Variants in RALA observed in about 807,000 individuals in gnomAD.
The protein encoded by RALA is ras-related protein Ral-A.
A neutral mutation model predicts 24.0 loss-of-function variants in RALA; 5 were observed. That is an observed-to-expected ratio of 0.21 (90% confidence interval 0.11 to 0.44). The LOEUF is 0.44. Ranked by LOEUF, RALA falls within the 20% of genes least tolerant of loss-of-function variation. RALA has a pLI of 0.99. For synonymous variants in RALA, 77 were observed against 83.8 expected (o/e 0.92, Z 0.44); for missense variants, 95 against 241.2 (o/e 0.39, Z 4.01).
intron 3 of RALA, among the ~76,000 whole-genome samples, chr7:39,696,387 A>G (rs534413239): frequency 6.6e-6 from 1 of 152,324 alleles, no homozygotes; most frequent in South Asian, 2.1e-4. Flanking sequence ...AAAAACAAGG[A>G]AAGTCTGAGA....
At chr7:39,630,216 T>TA (rs1299214172) in intron 1 of RALA, among the ~76,000 whole-genome samples, 6 of 143,154 alleles carry the variant, frequency 4.2e-5, no homozygotes, top group African/African-American at 1.7e-4. Flanking sequence ...GCTAATTTTT[T>TA]TTTTTTTTTT....
intron 1 of RALA, among the ~76,000 whole-genome samples, chr7:39,672,432 A>G (rs1792405234): frequency 6.6e-6 from 1 of 152,174 alleles, no homozygotes; most frequent in African/African-American, 2.4e-5. Flanking sequence ...AATCTCATAC[A>G]TTGTTAGTGG....
intron 1 of RALA, among the ~76,000 whole-genome samples, chr7:39,665,663 G>A (rs1386500541): frequency 7.5e-6 from 1 of 133,330 alleles, no homozygotes; most frequent in Non-Finnish European, 1.6e-5. Flanking sequence ...TTTTTTTTTT[G>A]GTGTGATTAT....
At chr7:39,644,496 T>C (rs1791892279) in intron 1 of RALA, among the ~76,000 whole-genome samples, 2 of 152,212 alleles carry the variant, frequency 1.3e-5, no homozygotes, top group African/African-American at 2.4e-5. Flanking sequence ...TAATTTTTCA[T>C]ATAAATATGT....
chr7:39,668,527 A>G (rs912436218), intron 1 of RALA, among the ~76,000 whole-genome samples: 2 of 152,158 alleles, frequency 1.3e-5, no homozygotes, highest in African/African-American at 4.8e-5. Flanking sequence ...GGCTGGGCGC[A>G]GTGACTCATG....
At chr7:39,665,259 C>T (rs371396768) in intron 1 of RALA, among the ~76,000 whole-genome samples, 39 of 152,142 alleles carry the variant, frequency 2.6e-4, no homozygotes, top group African/African-American at 9.2e-4. Context: ...GAATGAAGAC[C>T]TTTATGATGA....
chr7:39,632,543 C>T lies in RALA; in HGVS notation c.-38+8718C>T, dbSNP rs141973817. On this transcript the variant is annotated intron_variant, in intron 1 of 4. Coordinates refer to ENST00000005257, the MANE Select transcript of RALA (RefSeq NM_005402.4). Reference sequence around the variant, plus strand: ...GAGATGCTTATGGAGATTGGCTGGGCGTGGTGGCTAAGGCCTGTAATCCCA... The same window carrying T: ...GAGATGCTTATGGAGATTGGCTGGGTGTGGTGGCTAAGGCCTGTAATCCCA... Among the ~76,000 whole-genome samples the T allele has an allele frequency of 4.6e-4, 70 of 152,272 alleles. 1 individual carries two copies. The highest frequency in any genetic ancestry group is 1.6e-3 in the African/African-American group (66 of 41,538).
chr7:39,676,164 AC>A (rs1223777468), intron 1 of RALA, among the ~76,000 whole-genome samples: 1 of 151,980 alleles, frequency 6.6e-6, no homozygotes, highest in Non-Finnish European at 1.5e-5. Context: ...TTTAGTAGAT[AC>A]GGGGTTCCAC....
chr7:39,706,123 G>A lies in RALA; in HGVS notation c.499G>A (p.Val167Ile), dbSNP rs778965935. ...TTTATCCTATTTTTTTTCTTTCTAG[G>A]TATTTTTTGATTTAATGAGAGAAAT... ...SAKTRANVDK[V>I]FFDLMREIRA... Residue 167 changes from valine (V) to isoleucine (I), a missense_variant and splice_region_variant, in exon 5 of 5, where the codon GTA becomes ATA. Val to Ile is a conservative substitution (Grantham distance 29). Coordinates refer to ENST00000005257, the MANE Select transcript of RALA (RefSeq NM_005402.4). The A allele has an allele frequency of 3.1e-6, 5 of 1,595,144 alleles. No individual in the cohort carries two copies. The highest frequency in any genetic ancestry group is 4.3e-6 in the Non-Finnish European group (5 of 1,171,424).
At chr7:39,638,019 C>T (rs1791713320) in intron 1 of RALA, among the ~76,000 whole-genome samples, 1 of 152,158 alleles carries the variant, frequency 6.6e-6, no homozygotes, top group Non-Finnish European at 1.5e-5. Flanking sequence ...TCCATAACAT[C>T]CTCTAATATC....
At chr7:39,657,131 T>A (rs1423025417) in intron 1 of RALA, among the ~76,000 whole-genome samples, 2 of 151,888 alleles carry the variant, frequency 1.3e-5, no homozygotes, top group Non-Finnish European at 2.9e-5. Context: ...CATGCTCAGG[T>A]AGTTTTTGTA....
intron 1 of RALA, among the ~76,000 whole-genome samples, chr7:39,680,228 G>A (rs182292821): frequency 1.7e-4 from 26 of 151,970 alleles, no homozygotes; most frequent in Non-Finnish European, 3.2e-4. Flanking sequence ...AATTAGCCAG[G>A]TGTGGTGGCA....
chr7:39,625,942 A>G (rs1303502497), intron 1 of RALA, among the ~76,000 whole-genome samples: 1 of 152,234 alleles, frequency 6.6e-6, no homozygotes, highest in East Asian at 1.9e-4. Context: ...TATGCATATC[A>G]GTGTAATATG....
intron 2 of RALA, among the ~76,000 whole-genome samples, chr7:39,688,634 T>C (rs1223026311): frequency 1.3e-5 from 2 of 151,052 alleles, no homozygotes. Context: ...CTGGCAGTGA[T>C]GCAGTCTCAG....
At position 39,686,777 on chromosome 7, in the gene RALA, A is replaced by G; in HGVS notation, c.110A>G (p.Asp37Gly). Residue 37 changes from aspartate (D) to glycine (G), a missense_variant, in exon 2 of 5, where the codon GAT becomes GGT. Asp to Gly is a moderately conservative substitution (Grantham distance 94). Coordinates refer to ENST00000005257, the MANE Select transcript of RALA (RefSeq NM_005402.4). ...GCTCTGACTCTACAGTTCATGTACG[A>G]TGAGGTAAGTGCTAATTTTATAATG... Reference protein sequence around the residue: ...KSALTLQFMYDEFVEDYEPTK... With the variant: ...KSALTLQFMYGEFVEDYEPTK... 1 of 1,608,872 alleles carries G rather than the reference A, an allele frequency of 6.2e-7. No individual in the cohort carries two copies.
chr7:39,662,810 T>C (rs551874686), intron 1 of RALA, among the ~76,000 whole-genome samples: 5 of 152,328 alleles, frequency 3.3e-5, no homozygotes, highest in African/African-American at 7.2e-5. Context: ...TCCACATTTT[T>C]GGGTATCTTT....
intron 1 of RALA, among the ~76,000 whole-genome samples, chr7:39,661,493 A>C (rs1191524209): frequency 6.6e-6 from 1 of 152,218 alleles, no homozygotes; most frequent in Non-Finnish European, 1.5e-5. Flanking sequence ...ACCCATTCCA[A>C]ATGGGAGAAA....
intron 3 of RALA, among the ~76,000 whole-genome samples, chr7:39,692,635 A>G (rs1583754269): frequency 6.6e-6 from 1 of 152,090 alleles, no homozygotes; most frequent in Non-Finnish European, 1.5e-5. Context: ...ACATCTTCTC[A>G]CCTCGGAACC....
At chr7:39,705,225 G>A (rs1583765286) in intron 4 of RALA, among the ~76,000 whole-genome samples, 3 of 152,072 alleles carry the variant, frequency 2.0e-5, no homozygotes, top group Admixed American at 6.6e-5. Flanking sequence ...TTTTTCAGAC[G>A]CGTTAGGAAA....
Sources: allele counts gnomAD v4.1 joint callset (sites outside exome capture counted in the v4.1 genomes callset), GRCh38; gene constraint gnomAD v4.1.1; transcripts MANE v1.5; gene names NCBI Gene and HGNC (gene_info 2026-07-23, HGNC 2026-07-21).